The following OTUD7A variants were observed in gnomAD, a reference collection of about 807,000 sequenced individuals.
OTUD7A encodes the protein OTU domain-containing protein 7A.
In OTUD7A, 12 loss-of-function variants were observed where a neutral mutation model predicts 65.7. The observed-to-expected ratio is 0.18, with a 90% CI of 0.12 to 0.30. The LOEUF is 0.30. OTUD7A is among the 10% of genes least tolerant of loss of function. The pLI is 1.00. For synonymous variants in OTUD7A, 641 were observed against 586.3 expected (o/e 1.09, Z -1.35); for missense variants, 1,148 against 1,304.8 (o/e 0.88, Z 1.85).
intron 1 of OTUD7A, among the ~76,000 whole-genome samples, chr15:31,660,126 C>T (rs1023832268): frequency 1.3e-5 from 2 of 152,288 alleles, no homozygotes; most frequent in African/African-American, 4.8e-5. Context: ...CCACCCTTGA[C>T]TACCCATACA....
At position 31,659,182 on chromosome 15, in the gene OTUD7A, T is replaced by C. The variant is rs1203217835; in HGVS notation, c.-99-2105A>G. On this transcript the variant is annotated intron_variant, in intron 1 of 12. Coordinates refer to ENST00000307050, the MANE Select transcript of OTUD7A (RefSeq NM_001382637.1). ...GGACACTGGAAGGCAATAAAACGGG[T>C]AGATGGAGAATGAGACTGGGAGATG... 7.9e-5 allele frequency among the ~76,000 whole-genome samples: 12 copies of C among 152,024 alleles called. No homozygotes were observed. The East Asian group carries it at 1.3e-3, about 17-fold the overall frequency.
intron 1 of OTUD7A, among the ~76,000 whole-genome samples, chr15:31,817,628 A>G (rs1219243019): frequency 2.6e-5 from 4 of 152,126 alleles, no homozygotes; most frequent in African/African-American, 9.7e-5. Context: ...TTGACTCTAC[A>G]TGGGAACCTA....
rs572392471 is a variant in OTUD7A, at chr15:31,735,024, A to T, written c.-99-77947T>A. On this transcript the variant is annotated intron_variant, in intron 1 of 12. Coordinates refer to ENST00000307050, the MANE Select transcript of OTUD7A (RefSeq NM_001382637.1). The stretch of plus-strand genomic sequence containing the variant: ...ATCTAACAAAGGTGTAATATCCAGT[A>T]TCTATAAGGAACTCAAACAAATTTA... Among the ~76,000 whole-genome samples the T allele has an allele frequency of 3.0e-3, 443 of 146,760 alleles. 2 individuals carry two copies. The highest frequency in any genetic ancestry group is 5.1e-3 in the Non-Finnish European group (341 of 67,102).
At chr15:31,823,289 G>T (rs772157773) in intron 1 of OTUD7A, among the ~76,000 whole-genome samples, 3 of 152,212 alleles carry the variant, frequency 2.0e-5, no homozygotes, top group Non-Finnish European at 4.4e-5. Context: ...ATTAAGCTGG[G>T]CTTCGAGGGA....
chr15:31,493,273 A>G (rs542687636), intron 10 of OTUD7A, among the ~76,000 whole-genome samples: 11 of 152,306 alleles, frequency 7.2e-5, no homozygotes, highest in Middle Eastern at 3.4e-3. Flanking sequence ...CACAACATGG[A>G]CTGTTACCAA....
At chr15:31,568,311 CTTTAAGG>C (rs1044983941) in intron 4 of OTUD7A, among the ~76,000 whole-genome samples, 2 of 152,232 alleles carry the variant, frequency 1.3e-5, no homozygotes, top group African/African-American at 4.8e-5. Flanking sequence ...TATTTTGGAA[CTTTAAGG>C]TTTAATGATT....
intron 1 of OTUD7A, among the ~76,000 whole-genome samples, chr15:31,829,760 G>C (rs1314450386): frequency 1.3e-5 from 2 of 152,166 alleles, no homozygotes; most frequent in Non-Finnish European, 2.9e-5. Context: ...GTGTGGAATG[G>C]GAGCTCAGAA....
intron 1 of OTUD7A, among the ~76,000 whole-genome samples, chr15:31,713,940 C>T (rs1893515568): frequency 7.3e-6 from 1 of 137,344 alleles, no homozygotes; most frequent in African/African-American, 2.5e-5. Flanking sequence ...AAATTAGATA[C>T]CCACCAGAAT....
rs1327921163 is a variant in OTUD7A at position 31,481,308 on chromosome 15, G to A, written c.*1986C>T. On this transcript the variant is annotated 3_prime_UTR_variant, in exon 13 of 13. Transcript: ENST00000307050. Reference sequence around the variant, plus strand: ...CTTTTAAGAGTGACGAGCATGAGGAGTGGCTGGCATCCACACCTGAAGCAA... The same window carrying A: ...CTTTTAAGAGTGACGAGCATGAGGAATGGCTGGCATCCACACCTGAAGCAA... 1 of 152,244 alleles carries A rather than the reference G, an allele frequency of 6.6e-6. No individual in the cohort carries two copies. The highest frequency in any genetic ancestry group is 2.4e-5 in the African/African-American group (1 of 41,464). 9.4% of individuals were successfully genotyped at this position (152,244 alleles called of 1,614,324 possible).
intron 8 of OTUD7A, among the ~76,000 whole-genome samples, chr15:31,506,868 T>C (rs1469768869): frequency 1.3e-5 from 2 of 152,088 alleles, no homozygotes; most frequent in South Asian, 4.1e-4. Flanking sequence ...TTTTAAGCAG[T>C]GGGATTTTGA....
At chr15:31,486,171 C>G (rs567061882) in intron 12 of OTUD7A, among the ~76,000 whole-genome samples, 1 of 152,204 alleles carries the variant, frequency 6.6e-6, no homozygotes, top group Non-Finnish European at 1.5e-5. Flanking sequence ...CCGAGAGCCT[C>G]CTGATTCTAC....
At chr15:31,692,967 AT>A (rs1475217567) in intron 1 of OTUD7A, among the ~76,000 whole-genome samples, 6 of 151,446 alleles carry the variant, frequency 4.0e-5, no homozygotes, top group Admixed American at 3.9e-4. Context: ...CTCTTGGTGG[AT>A]GGCTTTATCT....
intron 1 of OTUD7A, among the ~76,000 whole-genome samples, chr15:31,681,310 T>C (rs142512965): frequency 5.4e-4 from 82 of 151,588 alleles, no homozygotes; most frequent in African/African-American, 1.9e-3. Context: ...CATCCATCCA[T>C]CCATGCACCC....
chr15:31,487,396 C>T lies in OTUD7A; in HGVS notation c.1286+56G>A. On this transcript the variant is annotated intron_variant, in intron 11 of 12. Coordinates refer to ENST00000307050, the MANE Select transcript of OTUD7A (RefSeq NM_001382637.1). The surrounding 1 kb of genome is among the most constrained non-coding windows in gnomAD (Gnocchi z 6.0). The stretch of plus-strand genomic sequence containing the variant: ...GGTGGTACATTCCCTCCCCAGGATG[C>T]CCCAGCCATAGCCCTCCCTGTGGGC... 6.3e-7 allele frequency: 1 copy of T among 1,589,774 alleles called. No homozygotes were observed. The highest frequency in any genetic ancestry group is 1.1e-5 in the South Asian group (1 of 89,258).
At chr15:31,816,097 G>A (rs543403597) in intron 1 of OTUD7A, among the ~76,000 whole-genome samples, 3 of 152,304 alleles carry the variant, frequency 2.0e-5, no homozygotes, top group African/African-American at 7.2e-5. Flanking sequence ...GCCTGCTCTG[G>A]GCACAGGTGA....
At chr15:31,534,476 C>T (rs1385304785) in intron 5 of OTUD7A, among the ~76,000 whole-genome samples, 1 of 152,176 alleles carries the variant, frequency 6.6e-6, no homozygotes, top group Admixed American at 6.5e-5. Context: ...AATGCTTTAC[C>T]TCTAAGACTA....
In OTUD7A at chr15:31,487,105, G is replaced by T; in HGVS notation, c.1371+89C>A. On this transcript the variant is annotated intron_variant, in intron 12 of 12. Coordinates refer to ENST00000307050, the MANE Select transcript of OTUD7A (RefSeq NM_001382637.1). The surrounding 1 kb of genome is among the most constrained non-coding windows in gnomAD (Gnocchi z 6.0). ...CGGGCAGGGGCAGGCAAGAGTGTGG[G>T]AGCATTTGGGAGGATGCACCCTGGT... 7.6e-7 allele frequency: 1 copy of T among 1,307,730 alleles called. No individual in the cohort carries two copies. Among genetic ancestry groups the T allele is most frequent in the East Asian group, 2.4e-5 (1 of 41,422 alleles). 81.0% of individuals were successfully genotyped at this position (1,307,730 alleles called of 1,614,324 possible). A position where few individuals can be genotyped will look rare whatever the true frequency, so the allele number is the denominator to read the frequency against.
intron 1 of OTUD7A, among the ~76,000 whole-genome samples, chr15:31,817,647 G>A (rs1211165349): frequency 6.6e-6 from 1 of 152,124 alleles, no homozygotes; most frequent in African/African-American, 2.4e-5. Flanking sequence ...TAAGCTTCCT[G>A]GGTTTTTGGT....
chr15:31,853,134 G>T (rs1234403988), intron 1 of OTUD7A, among the ~76,000 whole-genome samples: 1 of 152,170 alleles, frequency 6.6e-6, no homozygotes, highest in African/African-American at 2.4e-5. Flanking sequence ...GAATTGTTCT[G>T]GAGTCAAACA....
Sources: gnomAD v4.1 joint callset for allele counts (sites outside exome capture counted in the v4.1 genomes callset) on GRCh38, gnomAD v4.1.1 for gene constraint, Gnocchi (gnomAD v3.1) non-coding constraint, MANE v1.5 for transcripts, NCBI Gene and HGNC (gene_info 2026-07-23, HGNC 2026-07-21) for gene names.